Variants in ABCC4 observed in about 807,000 individuals in gnomAD.
ABCC4 encodes the protein ATP binding cassette subfamily C member 4 (PEL blood group), also known as ATP-binding cassette sub-family C member 4.
A neutral mutation model predicts 168.5 loss-of-function variants in ABCC4; 102 were observed. That is an observed-to-expected ratio of 0.61 (90% CI 0.52 to 0.71). ABCC4 has a LOEUF of 0.71. Among genes scored for constraint, ABCC4 ranks in the 30% least tolerant of loss-of-function variants. The probability of loss-of-function intolerance (pLI) is 0.00; values close to 1 mark genes in which losing one functional copy is unlikely to be tolerated. For missense variants in ABCC4, 1,402 were observed against 1,605.8 expected, an observed-to-expected ratio of 0.87 and a Z score of 2.17; for synonymous variants, 617 against 590.7, an observed-to-expected ratio of 1.04 and a Z score of -0.65.
chr13:95,030,169 C>T (rs1014450685), intron 30 of ABCC4, among the ~76,000 whole-genome samples: 6 of 152,196 alleles, frequency 3.9e-5, no homozygotes, highest in East Asian at 1.9e-4. Flanking sequence ...TACAAGCATG[C>T]GCCACCATGC....
rs115962025 is a variant in ABCC4 at position 95,212,188 on chromosome 13, A to G, written c.532-1407T>C. 1.5e-4 allele frequency among the ~76,000 whole-genome samples: 23 copies of G among 149,732 alleles called. 1 individual carries two copies. Among genetic ancestry groups the G allele is most frequent in the African/African-American group, 5.7e-4 (23 of 40,562 alleles). On this transcript the variant is annotated intron_variant, in intron 4 of 30. Transcript: ENST00000645237. Reference sequence around the variant, plus strand: ...AGACTGTCTCAAAAAAAAAAAAATTAAAAAATGCTATTATGCAAATATAAG... The same window carrying G: ...AGACTGTCTCAAAAAAAAAAAAATTGAAAAATGCTATTATGCAAATATAAG...
chr13:95,192,653 C>A (rs2038291854), intron 9 of ABCC4, among the ~76,000 whole-genome samples: 1 of 152,138 alleles, frequency 6.6e-6, no homozygotes, highest in African/African-American at 2.4e-5. Flanking sequence ...CACGGTGGCT[C>A]ATGCCTGCAA....
chr13:95,125,869 A>G (rs1364823160), intron 19 of ABCC4, among the ~76,000 whole-genome samples: 1 of 152,184 alleles, frequency 6.6e-6, no homozygotes, highest in Non-Finnish European at 1.5e-5. Flanking sequence ...TCAAGAATAC[A>G]CCAGGGAGGA....
rs145252193 is a variant in ABCC4 at position 95,206,644 on chromosome 13, C to T, written c.1049G>A (p.Arg350His). 12 of 1,614,108 alleles carry T rather than the reference C, an allele frequency of 7.4e-6. No individual in the cohort carries two copies. The highest frequency in any genetic ancestry group is 5.3e-5 in the African/African-American group (4 of 75,006). Residue 350 changes from arginine (R) to histidine (H), a missense_variant, in exon 8 of 31, where the codon CGC (arginine) becomes CAC (histidine). This residue lies in a region of ABCC4 where 78 missense variants were observed against 133.0 expected (regional missense o/e 0.59). Transcript: ENST00000645237. ...VLLGSVITAS[R>H]VFVAVTLYGA... ...ATACAGCGTCACTGCCACGAACACG[C>T]GGCTGGCTGTGATCACACTGCCGAG... is the stretch of plus-strand genomic sequence containing the variant.
chr13:95,195,418 G>A (rs1483800397), intron 8 of ABCC4, among the ~76,000 whole-genome samples: 1 of 152,166 alleles, frequency 6.6e-6, no homozygotes, highest in East Asian at 1.9e-4. Context: ...AGCCCAGAAG[G>A]GTAGGCAGGA....
intron 30 of ABCC4, among the ~76,000 whole-genome samples, chr13:95,030,011 C>T (rs1236238031): frequency 6.6e-6 from 1 of 151,694 alleles, no homozygotes; most frequent in African/African-American, 2.4e-5. Context: ...ATCCATCCAT[C>T]CATCCATCCA....
At chr13:95,292,506 T>C (rs1436549203) in intron 1 of ABCC4, among the ~76,000 whole-genome samples, 2 of 152,216 alleles carry the variant, frequency 1.3e-5, no homozygotes, top group Non-Finnish European at 2.9e-5. Context: ...TTCTAGGAGC[T>C]GCTTGATTCA....
intron 4 of ABCC4, among the ~76,000 whole-genome samples, chr13:95,221,276 T>A (rs922807170): frequency 6.6e-6 from 1 of 152,190 alleles, no homozygotes; most frequent in Non-Finnish European, 1.5e-5. Context: ...GTGCCCAGGA[T>A]GGCGTACAGT....
chr13:95,134,804 T>G, intron 19 of ABCC4, among the ~76,000 whole-genome samples: 1 of 149,552 alleles, frequency 6.7e-6, no homozygotes, highest in African/African-American at 2.5e-5. Flanking sequence ...TCCTGGGAGG[T>G]GGGAAGAGGA....
chr13:95,061,157 C>T (rs144542605), intron 26 of ABCC4, among the ~76,000 whole-genome samples: 12 of 152,326 alleles, frequency 7.9e-5, no homozygotes, highest in East Asian at 3.9e-4. Context: ...GCGATGGACA[C>T]GAGCTATTTC....
intron 11 of ABCC4, among the ~76,000 whole-genome samples, chr13:95,185,126 G>A (rs2038016446): frequency 6.6e-6 from 1 of 152,076 alleles, no homozygotes; most frequent in Admixed American, 6.5e-5. Flanking sequence ...CTTTAAAAAA[G>A]CGAGGCTAGC....
intron 3 of ABCC4, among the ~76,000 whole-genome samples, chr13:95,241,572 A>C (rs999470741): frequency 6.6e-6 from 1 of 152,056 alleles, no homozygotes; most frequent in Non-Finnish European, 1.5e-5. Flanking sequence ...CTCAGTCTCC[A>C]GTCCCCATCA....
intron 1 of ABCC4, among the ~76,000 whole-genome samples, chr13:95,263,916 G>C (rs1314981671): frequency 6.6e-6 from 1 of 152,126 alleles, no homozygotes; most frequent in Non-Finnish European, 1.5e-5. Context: ...TTAATGCAGA[G>C]GCTCTTTTGA....
chr13:95,160,237 G>C (rs541557293), intron 19 of ABCC4, among the ~76,000 whole-genome samples: 1 of 152,222 alleles, frequency 6.6e-6, no homozygotes, highest in East Asian at 1.9e-4. Context: ...ATGTGCTCTG[G>C]CCTTGGTCAA....
rs768467672 is a variant in ABCC4, at chr13:95,053,179, A to G, written c.3372T>C (p.Pro1124=). Residue 1124 remains proline (P), a synonymous_variant, in exon 27 of 31, where the codon CCT becomes CCC. Transcript: ENST00000645237. ...RKKMSIIPQE[P]VLFTGTMRKN... ...TCCTCATTGTTCCAGTGAACAAAAC[A>G]GGTTCCTAAGTGCCCAAAATAGTCA... 1.9e-6 allele frequency: 3 copies of G among 1,614,040 alleles called. No individual in the cohort carries two copies. Among genetic ancestry groups the G allele is most frequent in the East Asian group, 4.5e-5 (2 of 44,864 alleles).
intron 1 of ABCC4, among the ~76,000 whole-genome samples, chr13:95,299,550 AGATTTTTTTTTGC>A (rs1318612065): frequency 1.3e-5 from 2 of 151,898 alleles, no homozygotes; most frequent in East Asian, 3.9e-4. Flanking sequence ...TTAAAACATC[AGATTTTTTTTTGC>A]GATTTTTTTT....
intron 20 of ABCC4, among the ~76,000 whole-genome samples, chr13:95,093,444 C>A (rs1291050616): frequency 6.6e-6 from 1 of 152,062 alleles, no homozygotes; most frequent in Non-Finnish European, 1.5e-5. Context: ...CAAAAAATCA[C>A]ATAATCATCT....
chr13:95,072,517 G>A (rs2033766459), intron 24 of ABCC4, among the ~76,000 whole-genome samples: 2 of 152,158 alleles, frequency 1.3e-5, no homozygotes, highest in Admixed American at 1.3e-4. Context: ...ACCTGATATA[G>A]GTCAGTTAAA....
intron 8 of ABCC4, among the ~76,000 whole-genome samples, chr13:95,198,809 G>A (rs1410541147): frequency 1.3e-5 from 2 of 151,346 alleles, no homozygotes; most frequent in Admixed American, 6.5e-5. Context: ...TCCTTTACAG[G>A]GACATGGATG....
Sources: gnomAD v4.1 joint callset for allele counts (sites outside exome capture counted in the v4.1 genomes callset) on GRCh38, gnomAD v4.1.1 for gene constraint, gnomAD v4.1.1 regional missense constraint, MANE v1.5 for transcripts, NCBI Gene and HGNC (gene_info 2026-07-23, HGNC 2026-07-21) for gene names.